POTEG: variants seen among roughly 807,000 people sequenced by gnomAD.
POTEG encodes the protein ANKRD26-like family C member 2.
Under a neutral mutation model 49.6 loss-of-function variants are expected in POTEG, and 2 were observed. The ratio of observed to expected loss-of-function variants is 0.04; its 90% CI spans 0.02 to 0.13. POTEG has a LOEUF of 0.13. POTEG is among the 10% of genes least tolerant of loss of function. POTEG has a pLI of 1.00. For synonymous variants in POTEG, 7 were observed against 186.6 expected, an observed-to-expected ratio of 0.04 and a Z score of 7.84; for missense variants, 26 against 545.2, an observed-to-expected ratio of 0.05 and a Z score of 9.48.
At chr14:19,415,478 T>A (rs559911804) in intron 7 of POTEG, among the ~76,000 whole-genome samples, 1 of 147,530 alleles carries the variant, frequency 6.8e-6, no homozygotes, top group African/African-American at 2.4e-5. Flanking sequence ...TCACTGGCCA[T>A]GATTACTCTT....
intron 7 of POTEG, among the ~76,000 whole-genome samples, chr14:19,415,836 T>C (rs1883538764): frequency 3.5e-4 from 8 of 22,590 alleles, no homozygotes; most frequent in African/African-American, 5.3e-4. Context: ...AAAATTTTTT[T>C]TTTTTTTTTT....
At chr14:19,414,408 A>T (rs1362417388) in intron 8 of POTEG, among the ~76,000 whole-genome samples, 154 bp downstream of exon 8, 1 of 147,156 alleles carries the variant, frequency 6.8e-6, no homozygotes, top group African/African-American at 2.5e-5. Flanking sequence ...TTTAAAATTC[A>T]ATGTATAGAA....
intron 1 of POTEG, among the ~76,000 whole-genome samples, chr14:19,432,403 T>TATACATACACACAC (rs1330765784): frequency 1.8e-4 from 8 of 44,726 alleles, no homozygotes; most frequent in African/African-American, 6.8e-4. Flanking sequence ...TATATATATA[T>TATACATACACACAC]ACACACACAT....
intron 3 of POTEG, among the ~76,000 whole-genome samples, chr14:19,426,555 C>T (rs1883953718): frequency 6.6e-6 from 1 of 152,198 alleles, no homozygotes; most frequent in African/African-American, 2.4e-5. Context: ...CCATCCTCTA[C>T]TTATTGAAAG....
chr14:19,432,441 TATATACATATATATATAC>T (rs1157261086), intron 1 of POTEG, among the ~76,000 whole-genome samples: 3 of 79,770 alleles, frequency 3.8e-5, no homozygotes, highest in African/African-American at 9.9e-5. Context: ...CGTATATATA[TATATACATATATATATAC>T]ATATATACAT....
chr14:19,415,830 T>TATTC lies in POTEG; in HGVS notation c.1197+457_1197+458insGAAT, dbSNP rs1566376936. Among the ~76,000 whole-genome samples, 71 of 11,432 alleles carry TATTC rather than the reference T, an allele frequency of 6.2e-3. 5 individuals are homozygous for TATTC. The highest frequency in any genetic ancestry group is 5.2e-3 in the Non-Finnish European group (21 of 4,008). The allele number at this position is 11,432 out of a possible 152,430, so 7.5% of individuals were successfully genotyped here. A position where few individuals can be genotyped will look rare whatever the true frequency, so the allele number is the denominator to read the frequency against. On this transcript the variant is annotated intron_variant, in intron 7 of 10. Coordinates refer to ENST00000547848, the MANE Select transcript of POTEG (RefSeq NM_001005356.3). The stretch of plus-strand genomic sequence containing the variant: ...AATAAATTTTAAGAATCTATTAAAA[T>TATTC]TTTTTTTTTTTTTTTTTTTTTTTTT...
At chr14:19,419,674 G>A (rs1299473722) in intron 6 of POTEG, among the ~76,000 whole-genome samples, 4 of 96,384 alleles carry the variant, frequency 4.2e-5, no homozygotes, top group Non-Finnish European at 6.1e-5. Context: ...CCTGGTTTGG[G>A]AATGAGCAGG....
At chr14:19,426,372 T>C (rs1477057170) in intron 3 of POTEG, among the ~76,000 whole-genome samples, 1 of 149,068 alleles carries the variant, frequency 6.7e-6, no homozygotes, top group Non-Finnish European at 1.5e-5. Context: ...ATGCTGATTA[T>C]GCCAAAGCTC....
At chr14:19,430,637 G>A (rs1332396062) in intron 1 of POTEG, among the ~76,000 whole-genome samples, 1 of 122,578 alleles carries the variant, frequency 8.2e-6, no homozygotes, top group African/African-American at 2.9e-5. Flanking sequence ...AGAGATAGTA[G>A]AATATGCCTG....
At chr14:19,432,403 TACACACAC>T (rs1555310381) in intron 1 of POTEG, among the ~76,000 whole-genome samples, 2 of 44,718 alleles carry the variant, frequency 4.5e-5, no homozygotes, top group Non-Finnish European at 4.4e-5. Context: ...TATATATATA[TACACACAC>T]ATGTATATAT....
At chr14:19,408,462 CAA>C (rs1218604626) in intron 9 of POTEG, among the ~76,000 whole-genome samples, 109 of 148,272 alleles carry the variant, frequency 7.4e-4, no homozygotes, top group African/African-American at 2.6e-3. Context: ...CTATCCGAAG[CAA>C]AAGATTCCAA....
At chr14:19,426,877 A>G (rs1566381025) in intron 3 of POTEG, 3 of 416,522 alleles carry the variant, frequency 7.2e-6, no homozygotes, top group African/African-American at 2.1e-5. Context: ...AAGAAAGAAA[A>G]AAACAACTGA....
rs1884196017 is a variant in POTEG, at chr14:19,432,447, C to CATATATATACATGTGTGTAT, written c.521+1321_521+1322insATACACACATGTATATATAT. Among the ~76,000 whole-genome samples the CATATATATACATGTGTGTAT allele has an allele frequency of 1.3e-4, 9 of 68,268 alleles. No homozygotes were observed. The East Asian group carries it at 1.5e-3, about 12-fold the overall frequency. 44.8% of individuals were successfully genotyped at this position (68,268 alleles called of 152,430 possible). A position where few individuals can be genotyped will look rare whatever the true frequency, so the allele number is the denominator to read the frequency against. The stretch of plus-strand genomic sequence containing the variant: ...ATGTATATACGTATATATATATATA[C>CATATATATACATGTGTGTAT]ATATATATATACATATATACATATA... On this transcript the variant is annotated intron_variant, in intron 1 of 10. Coordinates refer to ENST00000547848, the MANE Select transcript of POTEG (RefSeq NM_001005356.3).
At chr14:19,415,885 A>C (rs1883543247) in intron 7 of POTEG, among the ~76,000 whole-genome samples, 1 of 115,424 alleles carries the variant, frequency 8.7e-6, no homozygotes, top group Non-Finnish European at 1.6e-5. Flanking sequence ...TTGCTCTGTC[A>C]CCCAGGCTGG....
chr14:19,415,239 G>A lies in POTEG; in HGVS notation c.1198-633C>T, dbSNP rs1289635459. On this transcript the variant is annotated intron_variant, in intron 7 of 10. Transcript: ENST00000547848. Reference sequence around the variant, plus strand: ...TATATTCTAATATGTACTAATGACAGTAGATAAAAATTTTAATCTGTCCTG... The same window carrying A: ...TATATTCTAATATGTACTAATGACAATAGATAAAAATTTTAATCTGTCCTG... Among the ~76,000 whole-genome samples, 99 of 142,426 alleles carry A rather than the reference G, an allele frequency of 7.0e-4. 1 individual carries two copies. In the South Asian group the frequency reaches 0.022, roughly 32 times the overall value. The allele number at this position is 142,426 out of a possible 152,430, so 93.4% of individuals were successfully genotyped here. A position where few individuals can be genotyped will look rare whatever the true frequency, so the allele number is the denominator to read the frequency against.
At chr14:19,432,404 A>ATATATATACACG (rs1884183754) in intron 1 of POTEG, among the ~76,000 whole-genome samples, 4 of 28,136 alleles carry the variant, frequency 1.4e-4, no homozygotes, top group Non-Finnish European at 3.0e-4. Flanking sequence ...ATATATATAT[A>ATATATATACACG]CACACACATG....
At chr14:19,414,351 G>A (rs1182945352) in intron 8 of POTEG, among the ~76,000 whole-genome samples, 12 of 146,024 alleles carry the variant, frequency 8.2e-5, no homozygotes, top group South Asian at 4.4e-4. Flanking sequence ...GGCACCATTC[G>A]GGACTATTCC....
intron 3 of POTEG, among the ~76,000 whole-genome samples, chr14:19,427,200 T>TA (rs1190175442): frequency 6.6e-6 from 1 of 152,306 alleles, no homozygotes; most frequent in Non-Finnish European, 1.5e-5. Flanking sequence ...CTGTCGTTGT[T>TA]AGAGACAGGG....
At chr14:19,418,902 C>A (rs1883651387) in intron 6 of POTEG, among the ~76,000 whole-genome samples, 3 of 39,856 alleles carry the variant, frequency 7.5e-5, no homozygotes, top group Non-Finnish European at 1.2e-4. Flanking sequence ...GGAACATGAA[C>A]ATTTACAAAA....
Sources: allele counts gnomAD v4.1 joint callset (sites outside exome capture counted in the v4.1 genomes callset), GRCh38; gene constraint gnomAD v4.1.1; transcripts MANE v1.5; gene names NCBI Gene and HGNC (gene_info 2026-07-23, HGNC 2026-07-21).